The following KSR2 variants were observed in gnomAD, a reference collection of about 807,000 sequenced individuals.
KSR2 encodes the protein kinase suppressor of ras 2.
A neutral mutation model predicts 107.8 loss-of-function variants in KSR2; 25 were observed. The ratio of observed to expected loss-of-function variants is 0.23; its 90% CI spans 0.17 to 0.32. The LOEUF is 0.32. KSR2 is among the 10% of genes least tolerant of loss of function. The probability of loss-of-function intolerance (pLI) is 1.00; values close to 1 mark genes in which losing one functional copy is unlikely to be tolerated. For missense variants in KSR2, 887 were observed against 1,268.9 expected (o/e 0.70, Z 4.57); for synonymous variants, 480 against 507.0 (o/e 0.95, Z 0.71).
intron 4 of KSR2, among the ~76,000 whole-genome samples, chr12:117,729,293 T>G (rs1423160304): frequency 6.6e-6 from 1 of 152,004 alleles, no homozygotes; most frequent in Non-Finnish European, 1.5e-5. Flanking sequence ...GCCTCAGCAA[T>G]AGGGAAGGGA....
intron 3 of KSR2, among the ~76,000 whole-genome samples, chr12:117,805,772 G>A (rs956028447): frequency 8.5e-5 from 13 of 152,060 alleles, no homozygotes; most frequent in Admixed American, 4.6e-4. Context: ...ACTTGAGGTC[G>A]GGAGTTCGAG....
intron 3 of KSR2, among the ~76,000 whole-genome samples, chr12:117,783,831 T>C (rs527824860): frequency 6.6e-6 from 1 of 152,308 alleles, no homozygotes; most frequent in East Asian, 1.9e-4. Context: ...GGCAGAATCC[T>C]TGGGGTTTTT....
chr12:117,775,072 G>T (rs1245062965), intron 3 of KSR2, among the ~76,000 whole-genome samples: 1 of 152,154 alleles, frequency 6.6e-6, no homozygotes, highest in Non-Finnish European at 1.5e-5. Flanking sequence ...GGACATTTAA[G>T]TTGTTTCTAC....
chr12:117,632,218 C>CTTTTTTTTTTTTTTTTTTTTTTTT (rs544594793), intron 5 of KSR2, among the ~76,000 whole-genome samples: 3 of 84,028 alleles, frequency 3.6e-5, no homozygotes, highest in Non-Finnish European at 4.3e-5. Context: ...AGTCCTACTC[C>CTTTTTTTTTTTTTTTTTTTTTTTT]TTTTTTTTTT....
chr12:117,821,240 T>C (rs1891552416), intron 3 of KSR2, among the ~76,000 whole-genome samples: 1 of 152,166 alleles, frequency 6.6e-6, no homozygotes, highest in South Asian at 2.1e-4. Flanking sequence ...CCACCTAGTA[T>C]AGTTGATCCT....
intron 3 of KSR2, among the ~76,000 whole-genome samples, chr12:117,799,936 T>A (rs1245324286): frequency 6.6e-6 from 1 of 152,178 alleles, no homozygotes; most frequent in Non-Finnish European, 1.5e-5. Context: ...GTAATCTGCC[T>A]CCAAGACTCA....
At chr12:117,612,538 C>A (rs1291207149) in intron 5 of KSR2, among the ~76,000 whole-genome samples, 4 of 152,072 alleles carry the variant, frequency 2.6e-5, no homozygotes, top group Non-Finnish European at 5.9e-5. Context: ...CAAAGGTCAG[C>A]CAGAACAATA....
At chr12:117,794,035 C>CACAT (rs1236306653) in intron 3 of KSR2, among the ~76,000 whole-genome samples, 184 of 46,936 alleles carry the variant, frequency 3.9e-3, no homozygotes, top group East Asian at 9.7e-3. Flanking sequence ...CCAACATGCA[C>CACAT]ACACCAACAT....
chr12:117,527,316 C>CACAG (rs1565884883), intron 12 of KSR2, among the ~76,000 whole-genome samples, 197 bp from the exon 13 acceptor site: 31 of 138,600 alleles, frequency 2.2e-4, no homozygotes, highest in African/African-American at 8.4e-4. Flanking sequence ...CACACACACA[C>CACAG]ACACACACAG....
chr12:117,791,260 T>C (rs1210649393), intron 3 of KSR2, among the ~76,000 whole-genome samples: 2 of 152,190 alleles, frequency 1.3e-5, no homozygotes, highest in African/African-American at 2.4e-5. Context: ...TTGCTTCCTG[T>C]CACACCGATC....
intron 1 of KSR2, among the ~76,000 whole-genome samples, chr12:117,871,989 T>C (rs1241743888): frequency 6.6e-6 from 1 of 152,168 alleles, no homozygotes; most frequent in Non-Finnish European, 1.5e-5. Context: ...ACCTATATGA[T>C]AGTAAGTTAC....
At chr12:117,640,089 TG>T in intron 5 of KSR2, among the ~76,000 whole-genome samples, 1 of 146,802 alleles carries the variant, frequency 6.8e-6, no homozygotes. Flanking sequence ...GGCTCCTTGG[TG>T]GTATCGAATC....
chr12:117,840,679 A>G (rs964263188), intron 3 of KSR2, among the ~76,000 whole-genome samples: 2 of 151,850 alleles, frequency 1.3e-5, no homozygotes, highest in African/African-American at 4.8e-5. Flanking sequence ...TACAGGCGTA[A>G]GCCACCACGC....
At chr12:117,876,982 A>G (rs1467088834) in intron 1 of KSR2, among the ~76,000 whole-genome samples, 1 of 152,136 alleles carries the variant, frequency 6.6e-6, no homozygotes. Context: ...ACCTGGAGGT[A>G]ATTTTGTACA....
At chr12:117,622,876 ATAC>A (rs1857273271) in intron 5 of KSR2, among the ~76,000 whole-genome samples, 1 of 152,252 alleles carries the variant, frequency 6.6e-6, no homozygotes, top group Non-Finnish European at 1.5e-5. Context: ...GAAAGCATGA[ATAC>A]TGCCCTCTTG....
intron 1 of KSR2, among the ~76,000 whole-genome samples, chr12:117,880,742 C>T (rs565919958): frequency 2.3e-3 from 299 of 132,230 alleles, no homozygotes; most frequent in African/African-American, 8.3e-3. Context: ...TTTTCTGAGA[C>T]GTGAAACCTC....
intron 16 of KSR2, among the ~76,000 whole-genome samples, chr12:117,480,022 A>ATATG (rs1872062427): frequency 7.0e-6 from 1 of 142,072 alleles, no homozygotes; most frequent in African/African-American, 2.9e-5. Flanking sequence ...ATCATTACAC[A>ATATG]TGTGTATGTG....
At chr12:117,922,721 G>A (rs568368112) in intron 1 of KSR2, among the ~76,000 whole-genome samples, 1 of 152,232 alleles carries the variant, frequency 6.6e-6, no homozygotes, top group East Asian at 1.9e-4. Flanking sequence ...TCTTCCTTGG[G>A]GATTCACTCA....
chr12:117,487,428 A>C lies in KSR2; in HGVS notation c.2220-1737T>G, dbSNP rs1294887639. 2.0e-5 allele frequency among the ~76,000 whole-genome samples: 3 copies of C among 152,208 alleles called. No individual in the cohort carries two copies. In the South Asian group the frequency reaches 6.2e-4, roughly 32 times the overall value. ...TGAGGAGGTCACCCAGCCAGTTGGC[A>C]GGAGGCAGCCCAGAATGAGTCAGGG... On this transcript the variant is annotated intron_variant, in intron 14 of 19. Transcript: ENST00000339824.
Sources: gnomAD v4.1 joint callset for allele counts (sites outside exome capture counted in the v4.1 genomes callset) on GRCh38, gnomAD v4.1.1 for gene constraint, MANE v1.5 for transcripts, NCBI Gene and HGNC (gene_info 2026-07-23, HGNC 2026-07-21) for gene names.